PDS5B: variants seen among roughly 807,000 people sequenced by gnomAD.
PDS5B encodes PDS5 cohesin associated factor B, also known as sister chromatid cohesion protein PDS5 homolog B.
Under a neutral mutation model 184.1 loss-of-function variants are expected in PDS5B, and 51 were observed. That is an observed-to-expected ratio of 0.28 (90% CI 0.22 to 0.35). PDS5B has a LOEUF of 0.35. Ranked by LOEUF, PDS5B falls within the 10% of genes least tolerant of loss-of-function variation. PDS5B has a pLI of 1.00. For synonymous variants in PDS5B, 566 were observed against 569.2 expected (o/e 0.99, Z 0.08); for missense variants, 1,180 against 1,723.3 (o/e 0.68, Z 5.58).
chr13:32,708,424 G>A (rs1180307302), intron 18 of PDS5B, among the ~76,000 whole-genome samples: 1 of 152,130 alleles, frequency 6.6e-6, no homozygotes, highest in African/African-American at 2.4e-5. Context: ...CAACACTAAG[G>A]TGAATGTTTC....
chr13:32,662,644 A>G (rs187328943), intron 6 of PDS5B, among the ~76,000 whole-genome samples: 4 of 152,252 alleles, frequency 2.6e-5, no homozygotes, highest in Non-Finnish European at 1.5e-5. Context: ...TAAGTGATAC[A>G]TATTAAAACT....
At chr13:32,633,400 TTAA>T (rs1471559340) in intron 1 of PDS5B, among the ~76,000 whole-genome samples, 1 of 152,216 alleles carries the variant, frequency 6.6e-6, no homozygotes, top group East Asian at 1.9e-4. Flanking sequence ...GAATTCTGTC[TTAA>T]TAAAACTATT....
chr13:32,612,381 TA>T (rs1049019196), intron 1 of PDS5B, among the ~76,000 whole-genome samples: 6 of 152,304 alleles, frequency 3.9e-5, no homozygotes, highest in African/African-American at 1.4e-4. Context: ...ATTGTTTTTT[TA>T]AGAACAATTT....
intron 10 of PDS5B, among the ~76,000 whole-genome samples, chr13:32,680,615 A>G (rs1951212564): frequency 1.3e-5 from 2 of 152,106 alleles, no homozygotes; most frequent in South Asian, 2.1e-4. Context: ...TTATTATAGT[A>G]TTTATCTCCA....
At chr13:32,735,111 T>C (rs1953283335) in intron 20 of PDS5B, 61 bp from the exon 21 acceptor site, 1 of 994,498 alleles carries the variant, frequency 1.0e-6, no homozygotes, top group Non-Finnish European at 1.4e-6. Context: ...AAATGAAATA[T>C]GTAAACAGTT....
chr13:32,683,124 T>A (rs891367760), intron 10 of PDS5B, among the ~76,000 whole-genome samples: 2 of 152,198 alleles, frequency 1.3e-5, no homozygotes, highest in East Asian at 3.9e-4. Context: ...GCGATTCTCC[T>A]GCCTCAGCCT....
chr13:32,755,273 A>T (rs1333815776), intron 25 of PDS5B, among the ~76,000 whole-genome samples: 1 of 152,186 alleles, frequency 6.6e-6, no homozygotes, highest in Non-Finnish European at 1.5e-5. Flanking sequence ...TATCTCAGCC[A>T]ACATACAAAA....
intron 33 of PDS5B, among the ~76,000 whole-genome samples, chr13:32,771,421 G>T (rs1218214547): frequency 6.6e-6 from 1 of 152,050 alleles, no homozygotes; most frequent in Admixed American, 6.6e-5. Context: ...ATCTGACAGT[G>T]TTTTTTCTCC....
intron 24 of PDS5B, among the ~76,000 whole-genome samples, chr13:32,746,980 T>C (rs1436332017): frequency 1.3e-5 from 2 of 152,212 alleles, no homozygotes. Context: ...AAAACAACAG[T>C]ATCGAAATTT....
intron 19 of PDS5B, among the ~76,000 whole-genome samples, chr13:32,716,076 C>T (rs1489301813): frequency 2.0e-5 from 3 of 151,952 alleles, no homozygotes; most frequent in Non-Finnish European, 4.4e-5. Flanking sequence ...TCTGCCCGGC[C>T]ACCACCCCGT....
At chr13:32,646,180 T>C (rs1950217743) in intron 1 of PDS5B, among the ~76,000 whole-genome samples, 1 of 152,042 alleles carries the variant, frequency 6.6e-6, no homozygotes, top group Non-Finnish European at 1.5e-5. Flanking sequence ...AATTTATTTT[T>C]ATTTTTTGTA....
At chr13:32,669,709 G>A (rs921556745) in intron 7 of PDS5B, among the ~76,000 whole-genome samples, 10 of 152,104 alleles carry the variant, frequency 6.6e-5, no homozygotes, top group Admixed American at 4.6e-4. Context: ...CAAAAGCTGG[G>A]GAGCAGGGGC....
chr13:32,775,734 T>C lies in PDS5B; in HGVS notation c.*682T>C, dbSNP rs1483111633. The C allele has an allele frequency of 2.3e-6, 1 of 428,890 alleles. No homozygotes were observed. The highest frequency in any genetic ancestry group is 7.2e-5 in the East Asian group (1 of 13,802). The allele number at this position is 428,890 out of a possible 1,614,324, so 26.6% of individuals were successfully genotyped here. A position where few individuals can be genotyped will look rare whatever the true frequency, so the allele number is the denominator to read the frequency against. On this transcript the variant is annotated 3_prime_UTR_variant, in exon 35 of 35. Transcript: ENST00000315596. ...TACTTTACACCTCAGTATTGATTTG[T>C]CCCAGAATTTTCTGGCCTTTCATGG...
At chr13:32,740,934 A>G (rs1213500554) in intron 21 of PDS5B, 146 bp from the exon 22 acceptor site, 2 of 544,766 alleles carry the variant, frequency 3.7e-6, no homozygotes. Context: ...TAAAGTAAAT[A>G]GGGTTAGATG....
At chr13:32,764,187 T>C (rs1413462893) in intron 30 of PDS5B, among the ~76,000 whole-genome samples, 1 of 152,160 alleles carries the variant, frequency 6.6e-6, no homozygotes, top group Non-Finnish European at 1.5e-5. Flanking sequence ...TAGACCAAGC[T>C]AAACTGCCAA....
intron 6 of PDS5B, among the ~76,000 whole-genome samples, chr13:32,667,376 C>T (rs1261432523): frequency 1.3e-5 from 2 of 152,150 alleles, no homozygotes; most frequent in Admixed American, 6.6e-5. Context: ...CATCGCTGCC[C>T]ACACTAGAAC....
rs556661505 is a variant in PDS5B at position 32,589,340 on chromosome 13, C to G, written c.-20+2747C>G. On this transcript the variant is annotated intron_variant, in intron 1 of 34. Transcript: ENST00000315596. The stretch of plus-strand genomic sequence containing the variant: ...AATAAAAATTCAGGGTAGTACATTA[C>G]CCTCCATCCCCTTCTCACCTTTTTA... 1.2e-4 allele frequency among the ~76,000 whole-genome samples: 19 copies of G among 152,272 alleles called. 1 individual carries two copies. Among genetic ancestry groups the G allele is most frequent in the African/African-American group, 4.6e-4 (19 of 41,548 alleles).
intron 1 of PDS5B, among the ~76,000 whole-genome samples, chr13:32,608,243 A>G (rs1003710176): frequency 6.6e-6 from 1 of 152,128 alleles, no homozygotes; most frequent in Non-Finnish European, 1.5e-5. Flanking sequence ...GATTACCACA[A>G]AAGGGCTGAA....
intron 1 of PDS5B, among the ~76,000 whole-genome samples, chr13:32,607,973 G>A (rs1165183191): frequency 6.6e-6 from 1 of 152,190 alleles, no homozygotes; most frequent in East Asian, 1.9e-4. Context: ...GCTTCCCTTG[G>A]CTAGGAGAGG....
Sources: gnomAD v4.1 joint callset for allele counts (sites outside exome capture counted in the v4.1 genomes callset) on GRCh38, gnomAD v4.1.1 for gene constraint, MANE v1.5 for transcripts, NCBI Gene and HGNC (gene_info 2026-07-23, HGNC 2026-07-21) for gene names.